The following ZNF454 variants were observed in gnomAD, a reference collection of about 807,000 sequenced individuals.
ZNF454 encodes the protein zinc finger protein 454.
In ZNF454, 30 loss-of-function variants were observed where a neutral mutation model predicts 48.2. The observed-to-expected ratio is 0.62, with a 90% CI of 0.47 to 0.84. The LOEUF (loss-of-function observed/expected upper bound fraction) is 0.84. Ranked by LOEUF, ZNF454 falls within the 40% of genes least tolerant of loss-of-function variation. The pLI is 0.00. For synonymous variants in ZNF454, 204 were observed against 211.4 expected (o/e 0.97, Z 0.30); for missense variants, 510 against 623.1 (o/e 0.82, Z 1.93).
chr5:178,964,160 A>T (rs1341251739), intron 4 of ZNF454, among the ~76,000 whole-genome samples: 1 of 150,574 alleles, frequency 6.6e-6, no homozygotes, highest in Non-Finnish European at 1.5e-5. Context: ...TCACTCTGTC[A>T]CCCAGGCTGG....
the ZNF454 span, chr5:178,985,981 C>T: frequency 1.7e-5 from 12 of 711,470 alleles, no homozygotes; most frequent in South Asian, 5.7e-5. Context: ...AGGCTGGTCT[C>T]GAACTCCTGG....
the ZNF454 span, chr5:178,985,865 G>C: frequency 1.8e-6 from 1 of 552,774 alleles, no homozygotes; most frequent in Non-Finnish European, 3.3e-6. Context: ...GGGCTCAAGC[G>C]ATCCTCCTAT....
intron 2 of ZNF454, among the ~76,000 whole-genome samples, chr5:178,945,317 T>G (rs932274324): frequency 6.6e-6 from 1 of 151,360 alleles, no homozygotes; most frequent in Non-Finnish European, 1.5e-5. Context: ...TCTGTCTGTG[T>G]ATGTTTGTGT....
the ZNF454 span, among the ~76,000 whole-genome samples, chr5:178,973,331 TA>T: frequency 9.2e-5 from 14 of 152,224 alleles, no homozygotes; most frequent in South Asian, 2.9e-3. Context: ...AGATAATTGC[TA>T]TAATAATGTA....
chr5:178,976,135 A>C, the ZNF454 span: 1 of 455,776 alleles, frequency 2.2e-6, no homozygotes, highest in Non-Finnish European at 4.4e-6. Context: ...TCCCCCAGAT[A>C]TCCCCATGGC....
At chr5:178,951,940 A>T (rs754495152) in intron 4 of ZNF454, among the ~76,000 whole-genome samples, 2 of 152,196 alleles carry the variant, frequency 1.3e-5, no homozygotes, top group Non-Finnish European at 2.9e-5. Context: ...ATTTGAAACT[A>T]TCAGAGTTTC....
rs1174241089 is a variant in ZNF454 at position 178,947,004 on chromosome 5, G to A, written c.250+18G>A. On this transcript the variant is annotated intron_variant, in intron 4 of 4. Transcript: ENST00000519564. ...CTGTCTTGGTAAGAATCATGTGTGT[G>A]GGAGACACCGGGAGGAGCCCTGCTG... 1 of 1,605,036 alleles carries A rather than the reference G, an allele frequency of 6.2e-7. No homozygotes were observed. Among genetic ancestry groups the A allele is most frequent in the Non-Finnish European group, 8.5e-7 (1 of 1,174,216 alleles).
intron 1 of ZNF454, chr5:178,942,444 C>G (rs1286455643): frequency 4.0e-6 from 1 of 251,160 alleles, no homozygotes; most frequent in Non-Finnish European, 7.6e-6. Context: ...TGAGATCGCT[C>G]AGTGAGGCTG....
intron 4 of ZNF454, among the ~76,000 whole-genome samples, chr5:178,960,190 G>A (rs1043848648): frequency 6.6e-6 from 1 of 150,614 alleles, no homozygotes; most frequent in Admixed American, 6.7e-5. Flanking sequence ...GACTCAAGCG[G>A]TCCTCCTGCC....
At chr5:178,972,845 G>A in the ZNF454 span, among the ~76,000 whole-genome samples, 2 of 152,098 alleles carry the variant, frequency 1.3e-5, no homozygotes, top group Non-Finnish European at 2.9e-5. Flanking sequence ...AAAGGCAGCA[G>A]TTTTTACCTA....
chr5:178,960,351 C>T (rs982551508), intron 4 of ZNF454, among the ~76,000 whole-genome samples: 6 of 151,496 alleles, frequency 4.0e-5, no homozygotes, highest in African/African-American at 1.2e-4. Context: ...TCCACCTCCC[C>T]GGTTCAAGCG....
In ZNF454 at chr5:178,964,932, T is replaced by C. The variant is rs199590405; in HGVS notation, c.528T>C (p.Asn176=). The change falls in exon 5 of 5, where the codon AAT becomes AAC. Residue 176 remains asparagine, a synonymous_variant. Transcript: ENST00000519564. The stretch of plus-strand genomic sequence containing the variant: ...GTCAGGGATTTCAACCTAGCAAAAA[T>C]GCCTTTGAGTGTAGTGAGTGTGGAA... ...DQSQGFQPSK[N]AFECSECGKV... is the part of the protein sequence containing the mutation. The C allele has an allele frequency of 2.6e-5, 42 of 1,614,248 alleles. 1 individual carries two copies. The East Asian group carries it at 9.4e-4, about 36-fold the overall frequency.
rs10077355 is a variant in ZNF454 at position 178,958,751 on chromosome 5, G to A, written c.251-5904G>A. On this transcript the variant is annotated intron_variant, in intron 4 of 4. Transcript: ENST00000519564. ...TACACGTAGTATTATCGTTACAAAAGGTTTTCTACCATTCTAGAGGATGTA... is the reference window on the plus strand; with the variant it reads ...TACACGTAGTATTATCGTTACAAAAAGTTTTCTACCATTCTAGAGGATGTA... Among the ~76,000 whole-genome samples the A allele has an allele frequency of 3.4e-3, 512 of 152,130 alleles. 5 individuals are homozygous for A. Among genetic ancestry groups the A allele is most frequent in the African/African-American group, 0.011 (465 of 41,518 alleles).
At position 178,965,797 on chromosome 5, in the gene ZNF454, G is replaced by A; in HGVS notation, c.1393G>A (p.Glu465Lys). 1 of 1,614,080 alleles carries A rather than the reference G, an allele frequency of 6.2e-7. No individual in the cohort carries two copies. The highest frequency in any genetic ancestry group is 1.1e-5 in the South Asian group (1 of 91,072). The change falls in exon 5 of 5, where the codon GAA (glutamate) becomes AAA (lysine). Residue 465 changes from glutamate (E) to lysine (K), a missense_variant. Around this residue, in one of 3 missense-constraint regions of ZNF454, gnomAD observed 153 missense variants for 195.8 expected, o/e 0.78. Transcript: ENST00000519564. This position sits in a 1 kb window ranked among gnomAD's most constrained non-coding sequence, Gnocchi z 5.2. ...CCAACATAAGAGAATTCATACTAGGGAAAAACCTTACAAATGTAAAATCTG... is the reference window on the plus strand; with the variant it reads ...CCAACATAAGAGAATTCATACTAGGAAAAAACCTTACAAATGTAAAATCTG... ...LTQHKRIHTREKPYKCKICEK... is the reference protein window; with the variant it reads ...LTQHKRIHTRKKPYKCKICEK...
chr5:178,969,381 G>A (rs1760209477), downstream of ZNF454: 2 of 443,722 alleles, frequency 4.5e-6, no homozygotes, highest in Admixed American at 2.4e-5. Context: ...GGAGTTTTCT[G>A]TGCCCCACCT....
chr5:178,985,557 G>C, the ZNF454 span: 3 of 338,290 alleles, frequency 8.9e-6, no homozygotes, highest in Non-Finnish European at 1.2e-5. Flanking sequence ...CAAAAAATTA[G>C]CCGGGCGTGG....
chr5:178,966,849 T>C (rs1272450157), downstream of ZNF454, among the ~76,000 whole-genome samples: 4 of 152,196 alleles, frequency 2.6e-5, no homozygotes, highest in Non-Finnish European at 4.4e-5. Flanking sequence ...GTCTGTCTGC[T>C]GGCTTCATCC....
chr5:178,988,582 A>G, the ZNF454 span, among the ~76,000 whole-genome samples: 16 of 152,282 alleles, frequency 1.1e-4, no homozygotes, highest in Admixed American at 8.5e-4. The surrounding 1 kb of genome is among the most constrained non-coding windows in gnomAD (Gnocchi z 6.0). Flanking sequence ...CGCCCCACGC[A>G]GTCTTAACTG....
rs757548137 is a variant in ZNF454 at position 178,965,088 on chromosome 5, TA to T, written c.685del (p.Thr229ArgfsTer27). On this transcript the variant is annotated frameshift_variant, in exon 5 of 5. Transcript: ENST00000519564. LOFTEE classifies it high-confidence loss of function. The surrounding 1 kb of genome is among the most constrained non-coding windows in gnomAD (Gnocchi z 5.2). ...AATGTGGGAAAGCCTTTCACCAGAGTACGCACCTTATCCATCACCAAAGAAT... is the reference window on the plus strand; with the variant it reads ...AATGTGGGAAAGCCTTTCACCAGAGTCGCACCTTATCCATCACCAAAGAAT... ...RECGKAFHQSTHLIHHQRIHT... is the reference protein window; with the variant it reads ...RECGKAFHQSXHLIHHQRIHT... 6.2e-7 allele frequency: 1 copy of T among 1,614,112 alleles called. No homozygotes were observed.
Sources: allele counts gnomAD v4.1 joint callset (sites outside exome capture counted in the v4.1 genomes callset), GRCh38; gene constraint gnomAD v4.1.1; regional missense constraint gnomAD v4.1.1; non-coding constraint Gnocchi (gnomAD v3.1); transcripts MANE v1.5; gene names NCBI Gene and HGNC (gene_info 2026-07-23, HGNC 2026-07-21).